XRN1: variants seen among roughly 807,000 people sequenced by gnomAD.
XRN1 encodes the protein 5'-3' exoribonuclease 1.
A neutral mutation model predicts 222.3 loss-of-function variants in XRN1; 67 were observed. The ratio of observed to expected loss-of-function variants is 0.30; its 90% CI spans 0.25 to 0.37. The LOEUF is 0.37. Ranked by LOEUF, XRN1 falls within the 10% of genes least tolerant of loss-of-function variation. The pLI, the probability that XRN1 is intolerant of heterozygous loss-of-function variation, is 1.00. For synonymous variants in XRN1, 643 were observed against 652.4 expected, an observed-to-expected ratio of 0.99 and a Z score of 0.22; for missense variants, 1,707 against 2,000.2, an observed-to-expected ratio of 0.85 and a Z score of 2.80.
chr3:142,327,043 T>C (rs1359695569), intron 37 of XRN1, among the ~76,000 whole-genome samples: 2 of 152,210 alleles, frequency 1.3e-5, no homozygotes, highest in Non-Finnish European at 2.9e-5. Flanking sequence ...GATTTTTATA[T>C]CTACTTCATC....
At chr3:142,361,729 A>C (rs1488729582) in intron 29 of XRN1, among the ~76,000 whole-genome samples, 1 of 152,158 alleles carries the variant, frequency 6.6e-6, no homozygotes, top group Non-Finnish European at 1.5e-5. Flanking sequence ...TTTGCCATCC[A>C]TGTATCTTCT....
chr3:142,312,481 C>A, intron 40 of XRN1, 117 bp downstream of exon 40: 1 of 1,026,894 alleles, frequency 9.7e-7, no homozygotes, highest in Non-Finnish European at 1.3e-6. Context: ...TTCTTACTAC[C>A]CACACTAGTA....
chr3:142,400,688 G>T, intron 18 of XRN1, 141 bp from the exon 19 acceptor site: 2 of 564,998 alleles, frequency 3.5e-6, no homozygotes, highest in South Asian at 2.7e-5. Context: ...ACTCACACCT[G>T]TAATCCCAAA....
At chr3:142,318,541 A>C in intron 39 of XRN1, 51 bp downstream of exon 39, 2 of 1,447,052 alleles carry the variant, frequency 1.4e-6, no homozygotes, top group Non-Finnish European at 1.9e-6. Context: ...AAAAGAGCTT[A>C]GTAAAAATAA....
At chr3:142,317,068 A>G (rs1334265820) in intron 39 of XRN1, among the ~76,000 whole-genome samples, 1 of 152,186 alleles carries the variant, frequency 6.6e-6, no homozygotes, top group East Asian at 1.9e-4. Context: ...GGCACTGTTC[A>G]ATAGTGCAGT....
rs1053015304 is a variant in XRN1 at position 142,403,850 on chromosome 3, G to T, written c.2004+19C>A. On this transcript the variant is annotated intron_variant, in intron 17 of 40. Coordinates refer to ENST00000392981, the MANE Select transcript of XRN1 (RefSeq NM_001282857.2). ...ACACTTAATAAAGTGAAAAAATTCT[G>T]AACTAAATAGCCACTGACTTTGTGT... 4 of 1,611,824 alleles carry T rather than the reference G, an allele frequency of 2.5e-6. No homozygotes were observed. In the African/African-American group the frequency reaches 5.3e-5, roughly 22 times the overall value.
intron 27 of XRN1, among the ~76,000 whole-genome samples, chr3:142,365,975 T>C (rs1646102864): frequency 6.6e-6 from 1 of 152,178 alleles, no homozygotes; most frequent in South Asian, 2.1e-4. Flanking sequence ...GACAAAACCC[T>C]TTGCTTTGAA....
intron 33 of XRN1, among the ~76,000 whole-genome samples, chr3:142,345,470 T>C (rs773550126): frequency 2.6e-5 from 4 of 152,194 alleles, no homozygotes; most frequent in African/African-American, 2.4e-5. Flanking sequence ...TGTAACTCTT[T>C]GTGACTTTGG....
intron 36 of XRN1, 137 bp from the exon 37 acceptor site, chr3:142,329,752 T>A: frequency 1.4e-6 from 1 of 737,808 alleles, no homozygotes; most frequent in Non-Finnish European, 2.0e-6. Context: ...CACCCATTAT[T>A]AAATAACAGA....
intron 33 of XRN1, among the ~76,000 whole-genome samples, chr3:142,343,778 C>T (rs1328848661): frequency 3.3e-5 from 5 of 152,102 alleles, no homozygotes; most frequent in Admixed American, 6.5e-5. Flanking sequence ...GAGATTATCT[C>T]CACTTTCATG....
rs1194549521 is a variant in XRN1 at position 142,312,681 on chromosome 3, A to C, written c.4699T>G (p.Phe1567Val). The C allele has an allele frequency of 1.2e-6, 2 of 1,613,920 alleles. No homozygotes were observed. The highest frequency in any genetic ancestry group is 1.7e-6 in the Non-Finnish European group (2 of 1,179,816). ...GPSVPVPGKPFHHTLYSGTMP... is the reference protein window; with the variant it reads ...GPSVPVPGKPVHHTLYSGTMP... ...GTCCCAGAATATAAAGTATGATGGA[A>C]GGGCTTCCCAGGAACTGGCACCGAT... Residue 1567 changes from phenylalanine to valine, a missense_variant, in exon 40 of 41, where the codon TTC (phenylalanine) becomes GTC (valine). Coordinates refer to ENST00000392981, the MANE Select transcript of XRN1 (RefSeq NM_001282857.2).
intron 10 of XRN1, chr3:142,420,271 G>A (rs895206207): frequency 2.0e-5 from 3 of 152,120 alleles, no homozygotes; most frequent in East Asian, 3.8e-4. Context: ...CACATTTGGC[G>A]AAATCGCAGG....
At position 142,418,811 on chromosome 3, in the gene XRN1, T is replaced by C; in HGVS notation, c.1240+4A>G. The C allele has an allele frequency of 6.2e-7, 1 of 1,613,538 alleles. No individual in the cohort carries two copies. The highest frequency in any genetic ancestry group is 8.5e-7 in the Non-Finnish European group (1 of 1,179,578). ...ACATATCAAAACACATACTTCATAC[T>C]TACCCTTAGAAGTTATCATTTCGCC... On this transcript the variant is annotated splice_donor_region_variant and intron_variant, in intron 11 of 40. Coordinates refer to ENST00000392981, the MANE Select transcript of XRN1 (RefSeq NM_001282857.2).
rs1457717419 is a variant in XRN1 at position 142,311,517 on chromosome 3, A to G, written c.5079T>C (p.Ser1693=). 3 of 1,588,278 alleles carry G rather than the reference A, an allele frequency of 1.9e-6. No homozygotes were observed. Among genetic ancestry groups the G allele is most frequent in the Non-Finnish European group, 2.6e-6 (3 of 1,165,826 alleles). Residue 1693 remains serine (S), a synonymous_variant, in exon 41 of 41, where the codon TCT becomes TCC. Transcript: ENST00000392981. ...LAVNFGVSKP[S]E ...TTAATTCTAAGAGCCAAATTTACTC[A>G]GAAGGTTTAGAAACACCAAAATTAA...
rs779936759 is a variant in XRN1, at chr3:142,335,448, C to G, written c.3939G>C (p.Gln1313His). The change falls in exon 34 of 41, where the codon CAG becomes CAC. Residue 1313 changes from glutamine to histidine, a missense_variant and splice_region_variant. Physicochemically the swap from Gln to His is conservative, Grantham distance 24. Around this residue, in one of 2 missense-constraint regions of XRN1, gnomAD observed 473 missense variants for 482.0 expected, o/e 0.98. Transcript: ENST00000392981. The part of the protein sequence containing the change: ...ECWSQKMSNK[Q>H]PNSGIENFLA... ...GAAATTTGATTTTAAGGAAGCTTAC[C>G]TGCTTATTGGACATTTTTTGGGACC... The G allele has an allele frequency of 6.2e-7, 1 of 1,613,652 alleles. No homozygotes were observed. Among genetic ancestry groups the G allele is most frequent in the Non-Finnish European group, 8.5e-7 (1 of 1,179,726 alleles).
intron 36 of XRN1, among the ~76,000 whole-genome samples, chr3:142,330,992 A>G (rs1425676023): frequency 6.6e-6 from 1 of 151,910 alleles, no homozygotes; most frequent in East Asian, 1.9e-4. Context: ...AATTTTTTGT[A>G]TTTTTAGTAG....
At position 142,447,885 on chromosome 3, in the gene XRN1, C is replaced by T. The variant is rs760460549; in HGVS notation, c.60G>A (p.Val20=). The stretch of plus-strand genomic sequence containing the variant: ...GCTCACCCACCTGATGCTCTTTCAC[C>T]ACTTCGCTGAGACAGGGATACCGCT... ...ISERYPCLSE[V]VKEHQIPEFD... The change falls in exon 1 of 41, where the codon GTG becomes GTA. Residue 20 remains valine, a synonymous_variant. Transcript: ENST00000392981. This position sits in a 1 kb window ranked among gnomAD's most constrained non-coding sequence, Gnocchi z 4.2. The T allele has an allele frequency of 6.2e-7, 1 of 1,613,798 alleles. No homozygotes were observed. Among genetic ancestry groups the T allele is most frequent in the South Asian group, 1.1e-5 (1 of 91,056 alleles).
At chr3:142,327,199 C>A (rs1025791354) in intron 37 of XRN1, among the ~76,000 whole-genome samples, 95 of 152,034 alleles carry the variant, frequency 6.2e-4, no homozygotes, top group African/African-American at 2.2e-3. Flanking sequence ...CTTCTTTCAG[C>A]GTTTGGCAGA....
At chr3:142,362,135 AT>A (rs2066657573) in intron 29 of XRN1, among the ~76,000 whole-genome samples, 1 of 150,200 alleles carries the variant, frequency 6.7e-6, no homozygotes, top group Non-Finnish European at 1.5e-5. Flanking sequence ...TTCCTGGCTA[AT>A]TTTTGTATAT....
Sources: allele counts gnomAD v4.1 joint callset (sites outside exome capture counted in the v4.1 genomes callset), GRCh38; gene constraint gnomAD v4.1.1; regional missense constraint gnomAD v4.1.1; non-coding constraint Gnocchi (gnomAD v3.1); transcripts MANE v1.5; gene names NCBI Gene and HGNC (gene_info 2026-07-23, HGNC 2026-07-21).